AMN1: variants seen among roughly 807,000 people sequenced by gnomAD.
AMN1 encodes the protein antagonist of mitotic exit network 1 homolog.
AMN1 carries 20 observed loss-of-function variants against 33.0 expected under a neutral mutation model. That is an observed-to-expected ratio of 0.61 (90% CI 0.43 to 0.88). The LOEUF (loss-of-function observed/expected upper bound fraction) is 0.88. Among genes scored for constraint, AMN1 ranks in the 40% least tolerant of loss-of-function variants. The probability of loss-of-function intolerance (pLI) is 0.00; values close to 1 mark genes in which losing one functional copy is unlikely to be tolerated. For missense variants in AMN1, 246 were observed against 307.4 expected (o/e 0.80, Z 1.49); for synonymous variants, 114 against 111.9 (o/e 1.02, Z -0.12).
At position 31,676,208 on chromosome 12, in the gene AMN1, C is replaced by A. The variant is rs543105140; in HGVS notation, c.704-3831G>T. On this transcript the variant is annotated intron_variant, in intron 6 of 6. Transcript: ENST00000281471. ...AATTAAAGACCTAAATAAAGAAATC[C>A]AAACCAGAAGGCTTAATATTATTAA... Among the ~76,000 whole-genome samples, 107 of 151,534 alleles carry A rather than the reference C, an allele frequency of 7.1e-4. 3 individuals carry two copies. Among genetic ancestry groups the A allele is most frequent in the African/African-American group, 2.4e-3 (98 of 41,084 alleles).
Position 31,685,823 on chromosome 12 carries a change from G to GAAAA in AMN1, c.703+3180_703+3183dup, listed in dbSNP as rs67407838. Among the ~76,000 whole-genome samples, 1,103 of 145,500 alleles carry GAAAA rather than the reference G, an allele frequency of 7.6e-3. 15 individuals are homozygous for GAAAA. The highest frequency in any genetic ancestry group is 0.026 in the African/African-American group (1,041 of 39,808). On this transcript the variant is annotated intron_variant, in intron 6 of 6. Coordinates refer to ENST00000281471, the MANE Select transcript of AMN1 (RefSeq NM_001113402.2). ...ATCAAAAAAAAAAGAAAGAAAGAAA[G>GAAAA]AAAAAAGGAATGCTCAACCGCATTT... is the stretch of plus-strand genomic sequence containing the variant.
chr12:31,703,873 G>C (rs1247830021), intron 2 of AMN1, among the ~76,000 whole-genome samples: 3 of 152,160 alleles, frequency 2.0e-5, no homozygotes, highest in Non-Finnish European at 4.4e-5. Context: ...CATGTGCTTT[G>C]CAAGCAGACT....
At chr12:31,710,551 T>TACACACACACAC (rs112841301) in intron 1 of AMN1, among the ~76,000 whole-genome samples, 6 of 147,426 alleles carry the variant, frequency 4.1e-5, no homozygotes, top group Admixed American at 6.8e-5. Context: ...TCTGTTCTTG[T>TACACACACACAC]ACACACACAC....
intron 1 of AMN1, among the ~76,000 whole-genome samples, chr12:31,718,699 G>T (rs901857195): frequency 5.9e-5 from 9 of 152,166 alleles, no homozygotes; most frequent in Admixed American, 5.9e-4. Context: ...GAGTTTACTG[G>T]AGGTCCACTC....
intron 2 of AMN1, among the ~76,000 whole-genome samples, chr12:31,703,097 C>T (rs1344659373): frequency 1.3e-5 from 2 of 152,118 alleles, no homozygotes; most frequent in African/African-American, 4.8e-5. Context: ...CCCCACTGCC[C>T]GCCCCCAAGG....
intron 1 of AMN1, among the ~76,000 whole-genome samples, chr12:31,716,256 T>C (rs986696771): frequency 6.6e-6 from 1 of 152,252 alleles, no homozygotes; most frequent in African/African-American, 2.4e-5. Context: ...CAATTTATTC[T>C]ACAGTGAATA....
chr12:31,681,251 G>C (rs117792541), intron 6 of AMN1, among the ~76,000 whole-genome samples: 1 of 151,648 alleles, frequency 6.6e-6, no homozygotes, highest in Admixed American at 6.6e-5. Context: ...TTTTTGAGAC[G>C]AAGTTTCGCT....
At chr12:31,686,599 C>T (rs1012369418) in intron 6 of AMN1, among the ~76,000 whole-genome samples, 1 of 152,180 alleles carries the variant, frequency 6.6e-6, no homozygotes, top group Non-Finnish European at 1.5e-5. Flanking sequence ...CATAGCTTAG[C>T]CTAGCCTACA....
At chr12:31,674,923 G>A (rs776305122) in intron 6 of AMN1, among the ~76,000 whole-genome samples, 7 of 151,670 alleles carry the variant, frequency 4.6e-5, no homozygotes, top group Non-Finnish European at 8.8e-5. Context: ...TCAGGAGACC[G>A]AGGCAGGGGA....
chr12:31,698,932 A>C (rs1443541045), intron 3 of AMN1, among the ~76,000 whole-genome samples: 2 of 152,042 alleles, frequency 1.3e-5, no homozygotes, highest in Non-Finnish European at 2.9e-5. Flanking sequence ...ACCTGAGTTT[A>C]AGCTAATGAG....
intron 2 of AMN1, 135 bp downstream of exon 2, chr12:31,709,158 G>C (rs376908206): frequency 8.1e-6 from 8 of 985,898 alleles, no homozygotes; most frequent in African/African-American, 3.3e-5. Flanking sequence ...CTGGGCAACG[G>C]AGCATGACCC....
chr12:31,722,884 C>T (rs745371106), intron 1 of AMN1, among the ~76,000 whole-genome samples: 6 of 152,094 alleles, frequency 3.9e-5, no homozygotes, highest in Non-Finnish European at 8.8e-5. Context: ...ACGCCTGGCA[C>T]GGTGGCTCAC....
At chr12:31,674,887 TGGTG>T (rs1454199944) in intron 6 of AMN1, among the ~76,000 whole-genome samples, 1 of 150,314 alleles carries the variant, frequency 6.7e-6, no homozygotes, top group Non-Finnish European at 1.5e-5. Context: ...CCATGCATGG[TGGTG>T]GGTGCTTGTA....
intron 1 of AMN1, among the ~76,000 whole-genome samples, chr12:31,726,362 T>C (rs947759472): frequency 6.6e-6 from 1 of 152,144 alleles, no homozygotes; most frequent in Admixed American, 6.5e-5. Flanking sequence ...GGTTTCTCCA[T>C]GTTGGTCAGA....
At chr12:31,720,455 G>A (rs1592177340) in intron 1 of AMN1, among the ~76,000 whole-genome samples, 1 of 151,758 alleles carries the variant, frequency 6.6e-6, no homozygotes, top group South Asian at 2.1e-4. Context: ...CAGGAAAATC[G>A]CTTGAACCAT....
chr12:31,696,490 T>C (rs1347595939), intron 5 of AMN1, among the ~76,000 whole-genome samples: 1 of 152,160 alleles, frequency 6.6e-6, no homozygotes, highest in Non-Finnish European at 1.5e-5. Flanking sequence ...TGTAGCTTAC[T>C]GTTAAATAGC....
intron 5 of AMN1, among the ~76,000 whole-genome samples, chr12:31,689,513 GA>G (rs1405257457): frequency 6.6e-6 from 1 of 152,096 alleles, no homozygotes; most frequent in South Asian, 2.1e-4. Context: ...CAGCTAAAAT[GA>G]AAAATATCTA....
At chr12:31,721,983 T>A (rs757439120) in intron 1 of AMN1, among the ~76,000 whole-genome samples, 1 of 152,110 alleles carries the variant, frequency 6.6e-6, no homozygotes, top group Non-Finnish European at 1.5e-5. Flanking sequence ...AGGAACAGAG[T>A]AAAGATTACA....
In AMN1 at chr12:31,687,037, G is replaced by T. The variant is rs1938295692; in HGVS notation, c.703+1970C>A. On this transcript the variant is annotated intron_variant, in intron 6 of 6. Coordinates refer to ENST00000281471, the MANE Select transcript of AMN1 (RefSeq NM_001113402.2). This position sits in a 1 kb window ranked among gnomAD's most constrained non-coding sequence, Gnocchi z 4.1. ...TTTCTTTTTCTTTTTTTGACACAGG[G>T]TCTCACTCTGTTACCCAGACTGGGG... Among the ~76,000 whole-genome samples, 1 of 151,438 alleles carries T rather than the reference G, an allele frequency of 6.6e-6. No individual in the cohort carries two copies. Among genetic ancestry groups the T allele is most frequent in the African/African-American group, 2.4e-5 (1 of 41,158 alleles).
Sources: allele counts gnomAD v4.1 joint callset (sites outside exome capture counted in the v4.1 genomes callset), GRCh38; gene constraint gnomAD v4.1.1; non-coding constraint Gnocchi (gnomAD v3.1); transcripts MANE v1.5; gene names NCBI Gene and HGNC (gene_info 2026-07-23, HGNC 2026-07-21).